SSH2: variants seen among roughly 807,000 people sequenced by gnomAD.
SSH2 encodes the protein slingshot protein phosphatase 2.
In SSH2, 37 loss-of-function variants were observed where a neutral mutation model predicts 135.2. That is an observed-to-expected ratio of 0.27 (90% confidence interval 0.21 to 0.36). The LOEUF (loss-of-function observed/expected upper bound fraction) is 0.36. Ranked by LOEUF, SSH2 falls within the 10% of genes least tolerant of loss-of-function variation. The pLI, the probability that SSH2 is intolerant of heterozygous loss-of-function variation, is 1.00. For synonymous variants in SSH2, 628 were observed against 646.2 expected (o/e 0.97, Z 0.43); for missense variants, 1,408 against 1,765.3 (o/e 0.80, Z 3.63).
At chr17:29,633,378 G>A (rs548027478) in intron 15 of SSH2, among the ~76,000 whole-genome samples, 6 of 152,202 alleles carry the variant, frequency 3.9e-5, no homozygotes, top group African/African-American at 1.4e-4. Context: ...CCATTTAAGG[G>A]CTAAGATATG....
chr17:29,929,953 G>A lies in SSH2; in HGVS notation c.48C>T (p.Ser16=). The A allele has an allele frequency of 6.2e-7, 1 of 1,603,446 alleles. No homozygotes were observed. Among genetic ancestry groups the A allele is most frequent in the Non-Finnish European group, 8.5e-7 (1 of 1,175,482 alleles). Residue 16 remains serine (S), a synonymous_variant, in exon 1 of 16, where the codon TCC becomes TCT. Coordinates refer to ENST00000540801, the MANE Select transcript of SSH2 (RefSeq NM_001282129.2). ...VQRSPTPSTT[S]SPCASSSHLE... ...AAGGACTCACCGAGGCGCAGGGGCT[G>A]GAGGTGGTGCTGGGGGTAGGTGACC... is the stretch of plus-strand genomic sequence containing the variant.
chr17:29,899,045 T>C lies in SSH2; in HGVS notation c.63+30893A>G, dbSNP rs1038830976. On this transcript the variant is annotated intron_variant, in intron 1 of 15. Transcript: ENST00000540801. Reference sequence around the variant, plus strand: ...GACAAAAACCACACGATTATCTCAATAGATGCAGAAAAGGCCTTTGACAAA... The same window carrying C: ...GACAAAAACCACACGATTATCTCAACAGATGCAGAAAAGGCCTTTGACAAA... Among the ~76,000 whole-genome samples the C allele has an allele frequency of 4.6e-5, 7 of 152,112 alleles. No homozygotes were observed. The East Asian group carries it at 7.7e-4, about 17-fold the overall frequency.
intron 3 of SSH2, among the ~76,000 whole-genome samples, chr17:29,757,535 T>A (rs539926684): frequency 1.3e-5 from 2 of 152,096 alleles, no homozygotes; most frequent in South Asian, 4.1e-4. Flanking sequence ...AAACATGACC[T>A]CTAAAGTAAT....
intron 3 of SSH2, among the ~76,000 whole-genome samples, chr17:29,736,531 T>C (rs561620198): frequency 1.3e-4 from 20 of 152,290 alleles, no homozygotes; most frequent in Non-Finnish European, 1.2e-4. Context: ...CTCACGCCTA[T>C]AATCCCAACA....
At chr17:29,916,460 T>C (rs531176445) in intron 1 of SSH2, among the ~76,000 whole-genome samples, 13 of 151,892 alleles carry the variant, frequency 8.6e-5, no homozygotes, top group Non-Finnish European at 1.9e-4. Flanking sequence ...AAAGATTTTT[T>C]TTTTCTTTCT....
intron 11 of SSH2, among the ~76,000 whole-genome samples, chr17:29,656,153 T>C (rs562908688): frequency 2.0e-5 from 3 of 152,322 alleles, no homozygotes; most frequent in Admixed American, 1.3e-4. Flanking sequence ...TTATTATGCA[T>C]TGAACTACAC....
At chr17:29,645,953 G>C (rs1348639706) in intron 14 of SSH2, 2 of 152,170 alleles carry the variant, frequency 1.3e-5, no homozygotes, top group Non-Finnish European at 2.9e-5. Context: ...GTAACATTTT[G>C]TTCAGGGGAA....
intron 14 of SSH2, among the ~76,000 whole-genome samples, chr17:29,638,305 A>G (rs888360110): frequency 6.6e-6 from 1 of 151,752 alleles, no homozygotes; most frequent in Non-Finnish European, 1.5e-5. Context: ...CTAAAAGGAA[A>G]AAAAAAACCT....
chr17:29,636,232 C>G lies in SSH2; in HGVS notation c.1998G>C (p.Gln666His), dbSNP rs1272276397. The change falls in exon 15 of 16, where the codon CAG becomes CAC. Residue 666 changes from glutamine to histidine, a missense_variant. By Grantham distance (24) the Gln-to-His change is conservative (BLOSUM62 0). Around this residue, in one of 3 missense-constraint regions of SSH2, gnomAD observed 1,080 missense variants for 1,144.5 expected, o/e 0.94. Transcript: ENST00000540801. ...CTGTACTGAAATCTGAGATTTCAGT[C>G]TGGCAACTGGGTTGGGGGCTTGGTG... ...PESPSPQPSC[Q>H]TEISDFSTDR... The G allele has an allele frequency of 6.2e-7, 1 of 1,613,978 alleles. No individual in the cohort carries two copies. The highest frequency in any genetic ancestry group is 1.1e-5 in the South Asian group (1 of 91,034).
chr17:29,808,038 G>A (rs1014446644), intron 2 of SSH2, among the ~76,000 whole-genome samples: 2 of 152,150 alleles, frequency 1.3e-5, no homozygotes, highest in African/African-American at 2.4e-5. Flanking sequence ...TTTGTTTAAA[G>A]ACCATTTTCA....
chr17:29,751,370 G>C (rs961857016), intron 3 of SSH2, among the ~76,000 whole-genome samples: 4 of 151,888 alleles, frequency 2.6e-5, no homozygotes. Context: ...AGCTGAGATT[G>C]TGCAATTGCA....
At chr17:29,695,552 T>C (rs1468315095) in intron 4 of SSH2, 29 bp from the exon 5 acceptor site, 2 of 1,586,078 alleles carry the variant, frequency 1.3e-6, no homozygotes, top group Non-Finnish European at 1.7e-6. Flanking sequence ...CAAAGGATAA[T>C]TATTCTCCAT....
chr17:29,662,305 C>T (rs551182906), intron 11 of SSH2, among the ~76,000 whole-genome samples: 2 of 152,248 alleles, frequency 1.3e-5, no homozygotes, highest in Admixed American at 6.5e-5. Context: ...AAGACTACAG[C>T]ACATTTATAG....
intron 3 of SSH2, among the ~76,000 whole-genome samples, chr17:29,741,610 CCTTT>C (rs1389742015): frequency 1.5e-3 from 152 of 104,536 alleles, no homozygotes; most frequent in African/African-American, 6.4e-3. Context: ...CAATCCCCCT[CCTTT>C]TTTTTTTTTT....
chr17:29,896,714 T>TA (rs1285963882), intron 1 of SSH2, among the ~76,000 whole-genome samples: 1 of 151,682 alleles, frequency 6.6e-6, no homozygotes, highest in Non-Finnish European at 1.5e-5. Flanking sequence ...GTATCATATG[T>TA]AAAATGCAGC....
At chr17:29,768,156 A>G (rs972496163) in intron 3 of SSH2, among the ~76,000 whole-genome samples, 2 of 152,098 alleles carry the variant, frequency 1.3e-5, no homozygotes, top group African/African-American at 4.8e-5. Context: ...AAAGCTAAAA[A>G]TATATATATT....
intron 3 of SSH2, among the ~76,000 whole-genome samples, chr17:29,726,239 AAAAG>A (rs1220089721): frequency 6.6e-6 from 1 of 152,148 alleles, no homozygotes; most frequent in African/African-American, 2.4e-5. Context: ...GTTAGGAGGG[AAAAG>A]AAAGGATGTT....
At chr17:29,872,788 GA>G (rs1010258833) in intron 1 of SSH2, among the ~76,000 whole-genome samples, 40 of 152,050 alleles carry the variant, frequency 2.6e-4, no homozygotes, top group African/African-American at 9.7e-4. Context: ...TTGAGTCCAA[GA>G]GTTCGAGACC....
intron 1 of SSH2, among the ~76,000 whole-genome samples, chr17:29,900,137 T>C (rs2066521454): frequency 6.6e-6 from 1 of 152,176 alleles, no homozygotes; most frequent in African/African-American, 2.4e-5. Context: ...TAGTTCAAGA[T>C]GGATTAAATA....
Sources: allele counts gnomAD v4.1 joint callset (sites outside exome capture counted in the v4.1 genomes callset), GRCh38; gene constraint gnomAD v4.1.1; regional missense constraint gnomAD v4.1.1; transcripts MANE v1.5; gene names NCBI Gene and HGNC (gene_info 2026-07-23, HGNC 2026-07-21).